The following SV2B variants were observed in gnomAD, a reference collection of about 807,000 sequenced individuals.
The protein encoded by SV2B is synaptic vesicle glycoprotein 2B.
Under a neutral mutation model 73.9 loss-of-function variants are expected in SV2B, and 41 were observed. That is an observed-to-expected ratio of 0.56 (90% CI 0.43 to 0.72). The LOEUF is 0.72. Among genes scored for constraint, SV2B ranks in the 30% least tolerant of loss-of-function variants. The pLI is 0.00. For missense variants in SV2B, 764 were observed against 857.8 expected (o/e 0.89, Z 1.37); for synonymous variants, 314 against 314.2 (o/e 1.00, Z 0.01).
At chr15:91,200,964 T>C (rs16945351) in intron 1 of SV2B, among the ~76,000 whole-genome samples, 14,727 of 152,286 alleles carry the variant, frequency 0.097, 1,146 homozygotes, top group African/African-American at 0.21. Flanking sequence ...TCCATCTCTT[T>C]GTACACATCC....
rs1056504954 is a variant in SV2B, at chr15:91,214,784, G to T, written c.-391-11089G>T. ...ATTTAAGTGTTCCCCAAACAGTTGT[G>T]GGGGGTGTGCTTGACTCCTTAGTCC... is the stretch of plus-strand genomic sequence containing the variant. On this transcript the variant is annotated intron_variant, in intron 1 of 12. Transcript: ENST00000394232. The surrounding 1 kb of genome is among the most constrained non-coding windows in gnomAD (Gnocchi z 4.7). Among the ~76,000 whole-genome samples, 2 of 152,202 alleles carry T rather than the reference G, an allele frequency of 1.3e-5. No individual in the cohort carries two copies. The highest frequency in any genetic ancestry group is 2.9e-5 in the Non-Finnish European group (2 of 68,044).
In SV2B at chr15:91,272,828, CTTTTTT is replaced by C. The variant is rs869274294; in HGVS notation, c.1373+4242_1373+4247del. Among the ~76,000 whole-genome samples the C allele has an allele frequency of 3.4e-3, 320 of 92,880 alleles. 4 individuals carry two copies. The highest frequency in any genetic ancestry group is 9.1e-3 in the African/African-American group (207 of 22,654). 60.9% of individuals were successfully genotyped at this position (92,880 alleles called of 152,430 possible). Reference sequence around the variant, plus strand: ...AGGGGGGATAAATGAGCATATTCGTCTTTTTTTTTTTTTTTTTTTTTTTTGATGGAG... The same window carrying C: ...AGGGGGGATAAATGAGCATATTCGTCTTTTTTTTTTTTTTTTTTGATGGAG... On this transcript the variant is annotated intron_variant, in intron 9 of 12. Transcript: ENST00000394232.
At chr15:91,255,583 T>C (rs1191002450) in intron 4 of SV2B, among the ~76,000 whole-genome samples, 2 of 152,210 alleles carry the variant, frequency 1.3e-5, no homozygotes, top group African/African-American at 4.8e-5. Flanking sequence ...CTTACTCATG[T>C]AACCAAACAC....
At position 91,280,214 on chromosome 15, in the gene SV2B, T is replaced by A. The variant is rs2048641395; in HGVS notation, c.1374-1514T>A. On this transcript the variant is annotated intron_variant, in intron 9 of 12. Transcript: ENST00000394232. This position sits in a 1 kb window ranked among gnomAD's most constrained non-coding sequence, Gnocchi z 5.8. The stretch of plus-strand genomic sequence containing the variant: ...AATGATTGGCAGCTCTAGATTAAGG[T>A]TCTGAGCAGGACATGATAGAGCATG... 6.6e-6 allele frequency among the ~76,000 whole-genome samples: 1 copy of A among 152,172 alleles called. No individual in the cohort carries two copies. The highest frequency in any genetic ancestry group is 2.4e-5 in the African/African-American group (1 of 41,428).
At position 91,229,927 on chromosome 15, in the gene SV2B, C is replaced by T. The variant is rs2046511279; in HGVS notation, c.451+3213C>T. ...CTGCTAACTCAGTTCTGTCTTTCCC[C>T]ATCCTCTCTCTGTTTTAAAAAGAAA... On this transcript the variant is annotated intron_variant, in intron 2 of 12. Coordinates refer to ENST00000394232, the MANE Select transcript of SV2B (RefSeq NM_001323032.3). This position sits in a 1 kb window ranked among gnomAD's most constrained non-coding sequence, Gnocchi z 4.3. 6.6e-6 allele frequency among the ~76,000 whole-genome samples: 1 copy of T among 152,204 alleles called. No homozygotes were observed. The highest frequency in any genetic ancestry group is 1.5e-5 in the Non-Finnish European group (1 of 68,030).
intron 1 of SV2B, among the ~76,000 whole-genome samples, chr15:91,144,104 T>C (rs1181295945): frequency 2.0e-5 from 3 of 152,244 alleles, no homozygotes; most frequent in Non-Finnish European, 4.4e-5. Flanking sequence ...TTATTTACTC[T>C]AGTAGTACTT....
intron 1 of SV2B, among the ~76,000 whole-genome samples, chr15:91,154,067 C>G (rs2043403859): frequency 6.7e-6 from 1 of 148,370 alleles, no homozygotes; most frequent in Non-Finnish European, 1.5e-5. Flanking sequence ...GTAAGGGTCT[C>G]TTTATATTAT....
rs1295570566 is a variant in SV2B at position 91,270,914 on chromosome 15, GGAC to G, written c.1373+2312_1373+2314del. On this transcript the variant is annotated intron_variant, in intron 9 of 12. Coordinates refer to ENST00000394232, the MANE Select transcript of SV2B (RefSeq NM_001323032.3). Reference sequence around the variant, plus strand: ...ATGATGGGAGGACGGTGAGTCCTGTGGACGATGGGAGGACGGTGAGTCCTGTGG... The same window carrying G: ...ATGATGGGAGGACGGTGAGTCCTGTGGATGGGAGGACGGTGAGTCCTGTGG... Among the ~76,000 whole-genome samples the G allele has an allele frequency of 2.6e-4, 37 of 142,970 alleles. 5 individuals are homozygous for G. The highest frequency in any genetic ancestry group is 8.8e-4 in the African/African-American group (32 of 36,496). 93.8% of individuals were successfully genotyped at this position (142,970 alleles called of 152,430 possible).
chr15:91,194,215 G>C (rs950246536), intron 1 of SV2B, among the ~76,000 whole-genome samples: 7 of 151,906 alleles, frequency 4.6e-5, no homozygotes, highest in Non-Finnish European at 1.0e-4. Context: ...GGGAGCTCTG[G>C]CTCAGTGACT....
chr15:91,211,966 C>G (rs2141429156), intron 1 of SV2B, among the ~76,000 whole-genome samples: 1 of 152,224 alleles, frequency 6.6e-6, no homozygotes, highest in East Asian at 1.9e-4. Context: ...ACTAGACTTT[C>G]AGCCAGAAGA....
chr15:91,112,619 T>C (rs1005571819), intron 1 of SV2B, among the ~76,000 whole-genome samples: 8 of 152,212 alleles, frequency 5.3e-5, no homozygotes, highest in African/African-American at 1.9e-4. Flanking sequence ...GATTTGCCTG[T>C]ATTTCTTGGG....
At chr15:91,116,843 A>C (rs1454874216) in intron 1 of SV2B, among the ~76,000 whole-genome samples, 1 of 152,236 alleles carries the variant, frequency 6.6e-6, no homozygotes, top group Non-Finnish European at 1.5e-5. Context: ...AAGGCAAAGG[A>C]AGGGCAAAGG....
rs895195517 is a variant in SV2B, at chr15:91,234,366, G to A, written c.451+7652G>A. Among the ~76,000 whole-genome samples the A allele has an allele frequency of 1.3e-5, 2 of 152,190 alleles. No homozygotes were observed. The highest frequency in any genetic ancestry group is 4.8e-5 in the African/African-American group (2 of 41,440). ...ACCTTACAGTGTGGACTGTAGTCAT[G>A]GAGTTGCAATACCTAAATGCAGTGG... On this transcript the variant is annotated intron_variant, in intron 2 of 12. Transcript: ENST00000394232. The surrounding 1 kb of genome is among the most constrained non-coding windows in gnomAD (Gnocchi z 5.6).
chr15:91,277,978 A>G (rs1466627803), intron 9 of SV2B, among the ~76,000 whole-genome samples: 1 of 152,224 alleles, frequency 6.6e-6, no homozygotes, highest in Non-Finnish European at 1.5e-5. Context: ...AAGAAAAGAA[A>G]GAGAGGGGAA....
At chr15:91,260,173 G>A (rs888532453) in intron 5 of SV2B, 147 bp from the exon 6 acceptor site, 20 of 614,514 alleles carry the variant, frequency 3.3e-5, no homozygotes, top group African/African-American at 3.1e-4. Flanking sequence ...GGTCCTAGAT[G>A]GTAATGAGTC....
At chr15:91,257,578 A>T (rs1165895026) in intron 4 of SV2B, among the ~76,000 whole-genome samples, 2 of 152,196 alleles carry the variant, frequency 1.3e-5, no homozygotes, top group African/African-American at 4.8e-5. Flanking sequence ...TCCCTCATTT[A>T]AAAAAATTGT....
Position 91,106,334 on chromosome 15 carries a change from AT to A in SV2B, c.-392+5974del, listed in dbSNP as rs1471564137. Among the ~76,000 whole-genome samples, 1 of 152,124 alleles carries A rather than the reference AT, an allele frequency of 6.6e-6. No individual in the cohort carries two copies. The highest frequency in any genetic ancestry group is 2.4e-5 in the African/African-American group (1 of 41,400). ...TAGGTTTGAGTATCATTAGCATGTT[AT>A]TTATTTTTCCGTGAGCCAAGTCACT... is the stretch of plus-strand genomic sequence containing the variant. On this transcript the variant is annotated intron_variant, in intron 1 of 12. Coordinates refer to ENST00000394232, the MANE Select transcript of SV2B (RefSeq NM_001323032.3). This position sits in a 1 kb window ranked among gnomAD's most constrained non-coding sequence, Gnocchi z 4.4.
At position 91,232,795 on chromosome 15, in the gene SV2B, A is replaced by C. The variant is rs2141519745; in HGVS notation, c.451+6081A>C. Among the ~76,000 whole-genome samples, 1 of 152,332 alleles carries C rather than the reference A, an allele frequency of 6.6e-6. No homozygotes were observed. Among genetic ancestry groups the C allele is most frequent in the South Asian group, 2.1e-4 (1 of 4,826 alleles). ...TACATAGATATATTGTATGATGCTG[A>C]GGTTTGGGATACAAATGATCCCATC... On this transcript the variant is annotated intron_variant, in intron 2 of 12. Transcript: ENST00000394232. This position sits in a 1 kb window ranked among gnomAD's most constrained non-coding sequence, Gnocchi z 4.7.
rs1186968806 is a variant in SV2B, at chr15:91,115,406, C to G, written c.-392+15043C>G. Among the ~76,000 whole-genome samples, 1 of 151,914 alleles carries G rather than the reference C, an allele frequency of 6.6e-6. No individual in the cohort carries two copies. On this transcript the variant is annotated intron_variant, in intron 1 of 12. Coordinates refer to ENST00000394232, the MANE Select transcript of SV2B (RefSeq NM_001323032.3). The surrounding 1 kb of genome is among the most constrained non-coding windows in gnomAD (Gnocchi z 4.3). Reference sequence around the variant, plus strand: ...TTTTTTTTTGAAACAGAGTCTTGCTCTGTTACTCAGGTTGGAGTACAGTAG... The same window carrying G: ...TTTTTTTTTGAAACAGAGTCTTGCTGTGTTACTCAGGTTGGAGTACAGTAG...
Sources: allele counts gnomAD v4.1 joint callset (sites outside exome capture counted in the v4.1 genomes callset), GRCh38; gene constraint gnomAD v4.1.1; non-coding constraint Gnocchi (gnomAD v3.1); transcripts MANE v1.5; gene names NCBI Gene and HGNC (gene_info 2026-07-23, HGNC 2026-07-21).